The following CRPPA variants were observed in gnomAD, a reference collection of about 807,000 sequenced individuals.
CRPPA encodes the protein D-ribitol-5-phosphate cytidylyltransferase.
Under a neutral mutation model 52.0 loss-of-function variants are expected in CRPPA, and 43 were observed. That is an observed-to-expected ratio of 0.83 (90% CI 0.65 to 1.07). The LOEUF (loss-of-function observed/expected upper bound fraction) is 1.07, where lower values mean the gene tolerates loss of function less well. Ranked by LOEUF, CRPPA falls within the 50% of genes least tolerant of loss-of-function variation. The pLI, the probability that CRPPA is intolerant of heterozygous loss-of-function variation, is 0.00. For synonymous variants in CRPPA, 250 were observed against 203.5 expected, an observed-to-expected ratio of 1.23 and a Z score of -1.94; for missense variants, 629 against 551.7, an observed-to-expected ratio of 1.14 and a Z score of -1.40.
chr7:16,359,691 G>A (rs918922254), intron 3 of CRPPA, among the ~76,000 whole-genome samples: 1 of 152,150 alleles, frequency 6.6e-6, no homozygotes, highest in African/African-American at 2.4e-5. Flanking sequence ...ACAAAAAACA[G>A]GATTTTAGAA....
intron 9 of CRPPA, among the ~76,000 whole-genome samples, chr7:16,199,854 C>CTTTTTT (rs68003825): frequency 1.1e-3 from 132 of 119,954 alleles, no homozygotes; most frequent in Non-Finnish European, 1.7e-3. Flanking sequence ...TAAGCTTTTT[C>CTTTTTT]TTTTTTTTTT....
At chr7:16,266,768 C>T (rs1028049484) in intron 6 of CRPPA, among the ~76,000 whole-genome samples, 1 of 152,156 alleles carries the variant, frequency 6.6e-6, no homozygotes, top group African/African-American at 2.4e-5. Context: ...CACGAGCCAC[C>T]GTGCCCAGCC....
intron 9 of CRPPA, among the ~76,000 whole-genome samples, chr7:16,128,387 A>AT (rs1782620309): frequency 2.0e-5 from 3 of 152,148 alleles, no homozygotes; most frequent in Admixed American, 6.5e-5. Context: ...CAAAAGTCCT[A>AT]TTTTTTCTTC....
At chr7:16,229,816 A>G (rs1782743875) in intron 8 of CRPPA, among the ~76,000 whole-genome samples, 1 of 151,976 alleles carries the variant, frequency 6.6e-6, no homozygotes, top group South Asian at 2.1e-4. Flanking sequence ...CTTGTGTATC[A>G]GGTCTGGTGG....
At chr7:16,366,852 A>T (rs1452342052) in intron 3 of CRPPA, among the ~76,000 whole-genome samples, 4 of 152,066 alleles carry the variant, frequency 2.6e-5, no homozygotes. Context: ...CCGTGAAGAG[A>T]TAAACACTTT....
chr7:16,135,257 G>A (rs1782742785), intron 9 of CRPPA, among the ~76,000 whole-genome samples: 1 of 152,174 alleles, frequency 6.6e-6, no homozygotes, highest in Admixed American at 6.5e-5. Flanking sequence ...ATAAATCTAA[G>A]CAAGTATAGT....
rs1278716573 is a variant in CRPPA at position 16,134,077 on chromosome 7, G to A, written c.1252-42278C>T. 7.3e-5 allele frequency among the ~76,000 whole-genome samples: 9 copies of A among 123,422 alleles called. 4 individuals are homozygous for A. Among genetic ancestry groups the A allele is most frequent in the African/African-American group, 1.1e-4 (4 of 38,038 alleles). The allele number at this position is 123,422 out of a possible 152,430, so 81.0% of individuals were successfully genotyped here. On this transcript the variant is annotated intron_variant, in intron 9 of 9. Transcript: ENST00000407010. ...CTCCCGAGCAGCTGGGACTACAGGC[G>A]CCCGCCACCACGCCCGGCTAATTTT...
intron 8 of CRPPA, among the ~76,000 whole-genome samples, chr7:16,217,835 G>C (rs1390307318): frequency 6.6e-6 from 1 of 151,864 alleles, no homozygotes; most frequent in Admixed American, 6.6e-5. Flanking sequence ...TGAAAGTGAC[G>C]GGGAGAATGG....
chr7:16,386,209 T>C (rs1176381081), intron 2 of CRPPA, among the ~76,000 whole-genome samples: 1 of 152,118 alleles, frequency 6.6e-6, no homozygotes, highest in East Asian at 1.9e-4. Context: ...TGTCCAGTGG[T>C]CAATCTTCTC....
At chr7:16,358,855 C>A (rs1357248011) in intron 3 of CRPPA, among the ~76,000 whole-genome samples, 5 of 152,180 alleles carry the variant, frequency 3.3e-5, no homozygotes, top group African/African-American at 1.2e-4. Context: ...AAAATTACAT[C>A]TTTAGCTCCC....
chr7:16,287,729 C>T (rs1364834489), intron 5 of CRPPA, among the ~76,000 whole-genome samples: 1 of 152,090 alleles, frequency 6.6e-6, no homozygotes, highest in Non-Finnish European at 1.5e-5. Flanking sequence ...CAAGACCAGC[C>T]TGGCCAATAT....
chr7:16,419,507 A>T (rs1038858424), intron 1 of CRPPA, among the ~76,000 whole-genome samples: 1 of 150,290 alleles, frequency 6.7e-6, no homozygotes, highest in African/African-American at 2.4e-5. Context: ...ATTAGCTACA[A>T]GATTAGAAAT....
At chr7:16,352,011 C>T (rs1013298593) in intron 3 of CRPPA, among the ~76,000 whole-genome samples, 2 of 152,152 alleles carry the variant, frequency 1.3e-5, no homozygotes, top group African/African-American at 2.4e-5. Context: ...TTGGAACCAA[C>T]CCAAATGCCC....
At chr7:16,420,707 G>C (rs1057217850) in intron 1 of CRPPA, among the ~76,000 whole-genome samples, 1 of 152,188 alleles carries the variant, frequency 6.6e-6, no homozygotes, top group African/African-American at 2.4e-5. Flanking sequence ...CGGAGGCAGA[G>C]CCCCAGGACC....
At chr7:16,349,933 A>G (rs964921453) in intron 3 of CRPPA, among the ~76,000 whole-genome samples, 4 of 152,138 alleles carry the variant, frequency 2.6e-5, no homozygotes, top group Non-Finnish European at 5.9e-5. Flanking sequence ...GATGAATCCA[A>G]AGAGACCATA....
At chr7:16,352,532 T>C (rs1214455348) in intron 3 of CRPPA, among the ~76,000 whole-genome samples, 1 of 151,990 alleles carries the variant, frequency 6.6e-6, no homozygotes, top group Admixed American at 6.6e-5. Flanking sequence ...AATAGAGAAA[T>C]GCAAATTCAA....
rs115141821 is a variant in CRPPA at position 16,403,988 on chromosome 7, T to G, written c.534+2073A>C. ...ACCATAAAAAAGCCAGTTTTCTGTT[T>G]TAATTCACTTCAACATACCTTTTTA... On this transcript the variant is annotated intron_variant, in intron 2 of 9. Coordinates refer to ENST00000407010, the MANE Select transcript of CRPPA (RefSeq NM_001101426.4). Among the ~76,000 whole-genome samples, 1,292 of 152,302 alleles carry G rather than the reference T, an allele frequency of 8.5e-3. 15 individuals are homozygous for G. Among genetic ancestry groups the G allele is most frequent in the African/African-American group, 0.028 (1,177 of 41,568 alleles).
intron 6 of CRPPA, among the ~76,000 whole-genome samples, chr7:16,266,069 G>A (rs910586992): frequency 6.6e-6 from 1 of 152,206 alleles, no homozygotes; most frequent in Non-Finnish European, 1.5e-5. Context: ...GTCAACTCCG[G>A]GGGAAGGGGT....
chr7:16,266,655 T>A (rs374317266), intron 6 of CRPPA, among the ~76,000 whole-genome samples: 2 of 152,056 alleles, frequency 1.3e-5, no homozygotes, highest in Non-Finnish European at 2.9e-5. Flanking sequence ...ATTTTTGTAT[T>A]TTTAGTAGAA....
Sources: allele counts gnomAD v4.1 joint callset (sites outside exome capture counted in the v4.1 genomes callset), GRCh38; gene constraint gnomAD v4.1.1; transcripts MANE v1.5; gene names NCBI Gene and HGNC (gene_info 2026-07-23, HGNC 2026-07-21).